Variants in CPVL observed in about 807,000 individuals in gnomAD.
CPVL encodes carboxypeptidase vitellogenic like, also known as probable serine carboxypeptidase CPVL.
Under a neutral mutation model 63.7 loss-of-function variants are expected in CPVL, and 51 were observed. The observed-to-expected ratio is 0.80, with a 90% CI of 0.64 to 1.01. CPVL has a LOEUF of 1.01. Among genes scored for constraint, CPVL ranks in the 50% least tolerant of loss-of-function variants. The probability of loss-of-function intolerance (pLI) is 0.00; values close to 1 mark genes in which losing one functional copy is unlikely to be tolerated. For synonymous variants in CPVL, 195 were observed against 206.0 expected (o/e 0.95, Z 0.46); for missense variants, 530 against 573.1 (o/e 0.92, Z 0.77).
Position 29,066,054 on chromosome 7 carries a change from C to T in CPVL, c.932G>A (p.Cys311Tyr). Residue 311 changes from cysteine to tyrosine, a missense_variant, in exon 10 of 13, where the codon TGT (cysteine) becomes TAT (tyrosine). By Grantham distance (194) the Cys-to-Tyr change is radical. Transcript: ENST00000265394. ...CCGCAAAAAGTTATAGTAATTACTA[C>T]ATCCTGTAACATTCTGGAAGTAAGA... Reference protein sequence around the residue: ...DPSYFQNVTGCSNYYNFLRCT... With the variant: ...DPSYFQNVTGYSNYYNFLRCT... 6.2e-7 allele frequency: 1 copy of T among 1,607,352 alleles called. No individual in the cohort carries two copies.
chr7:29,195,002 C>T, intron 1 of CPVL: 1 of 1,584,396 alleles, frequency 6.3e-7, no homozygotes. Flanking sequence ...TGAGTTTCAG[C>T]CCGTCGGGCG....
intron 11 of CPVL, among the ~76,000 whole-genome samples, chr7:29,031,213 C>T (rs1414287961): frequency 6.6e-6 from 1 of 152,200 alleles, no homozygotes; most frequent in Non-Finnish European, 1.5e-5. Flanking sequence ...TCCTCTCCTA[C>T]ATTGATTTCA....
intron 2 of CPVL, among the ~76,000 whole-genome samples, chr7:29,115,478 C>G (rs975205546): frequency 1.3e-5 from 2 of 152,176 alleles, no homozygotes; most frequent in Non-Finnish European, 2.9e-5. Context: ...TCCCACTCTT[C>G]CCGCCATCTG....
chr7:29,018,164 G>A (rs1045606609), intron 12 of CPVL, among the ~76,000 whole-genome samples: 1 of 151,738 alleles, frequency 6.6e-6, no homozygotes, highest in East Asian at 1.9e-4. Context: ...AGTAAGATTC[G>A]GTAAAAATGA....
intron 5 of CPVL, among the ~76,000 whole-genome samples, chr7:29,167,389 T>G (rs1375060118): frequency 6.6e-6 from 1 of 152,198 alleles, no homozygotes; most frequent in Non-Finnish European, 1.5e-5. Flanking sequence ...CAAAAAATTA[T>G]CCACTATCTG....
rs148121361 is a variant in CPVL at position 29,047,671 on chromosome 7, A to G, written c.1137+16390T>C. Among the ~76,000 whole-genome samples the G allele has an allele frequency of 3.2e-3, 480 of 152,314 alleles. 3 individuals carry two copies. Among genetic ancestry groups the G allele is most frequent in the African/African-American group, 0.011 (457 of 41,576 alleles). On this transcript the variant is annotated intron_variant, in intron 11 of 12. Transcript: ENST00000265394. The stretch of plus-strand genomic sequence containing the variant: ...CCTTGCTAGAGACCTAGACATCCAA[A>G]TACAAGAAGCACAAAGAACACCTGG...
intron 7 of CPVL, among the ~76,000 whole-genome samples, chr7:29,080,511 T>A (rs1305521069): frequency 7.1e-6 from 1 of 140,494 alleles, no homozygotes; most frequent in Non-Finnish European, 1.5e-5. Flanking sequence ...TGAGCTGAGA[T>A]GGCAATGCTG....
intron 5 of CPVL, among the ~76,000 whole-genome samples, chr7:29,180,826 A>G (rs1419378945): frequency 6.6e-6 from 1 of 152,196 alleles, no homozygotes; most frequent in South Asian, 2.1e-4. Context: ...CAAGACTCGT[A>G]TCATCCGTAT....
At chr7:29,046,956 C>CATGATATATTCCTTATACCA (rs1489088443) in intron 11 of CPVL, among the ~76,000 whole-genome samples, 2 of 152,144 alleles carry the variant, frequency 1.3e-5, no homozygotes, top group Non-Finnish European at 2.9e-5. Context: ...AAGGAATATA[C>CATGATATATTCCTTATACCA]ATGATATAAT....
At chr7:29,146,957 A>G (rs746395081), upstream of CPVL, 47 of 1,551,082 alleles carry the variant, frequency 3.0e-5, no homozygotes, top group Non-Finnish European at 4.0e-5. Flanking sequence ...CAGCTGCACT[A>G]GCAGTAAGCT....
At chr7:29,014,712 T>C (rs947044791) in intron 12 of CPVL, among the ~76,000 whole-genome samples, 1 of 152,162 alleles carries the variant, frequency 6.6e-6, no homozygotes, top group African/African-American at 2.4e-5. Flanking sequence ...TTAACAGTTA[T>C]TTTCCTCCAT....
upstream of CPVL, among the ~76,000 whole-genome samples, chr7:29,149,670 G>C (rs1170014187): frequency 2.0e-5 from 3 of 152,156 alleles, no homozygotes; most frequent in Non-Finnish European, 4.4e-5. Flanking sequence ...TAAAGTGCCA[G>C]CAGGGCCAGG....
At chr7:29,189,834 C>G (rs557239422) in intron 1 of CPVL, among the ~76,000 whole-genome samples, 7 of 152,302 alleles carry the variant, frequency 4.6e-5, no homozygotes, top group Admixed American at 1.3e-4. Context: ...CCCAAGCCCC[C>G]CTGCAGCTCA....
intron 9 of CPVL, among the ~76,000 whole-genome samples, chr7:29,068,714 A>C (rs1441865956): frequency 8.5e-6 from 1 of 118,182 alleles, no homozygotes; most frequent in African/African-American, 3.3e-5. Flanking sequence ...TTTTTTTTTG[A>C]GATGGAGTCT....
intron 5 of CPVL, among the ~76,000 whole-genome samples, chr7:29,158,801 T>G (rs1429190488): frequency 2.0e-5 from 3 of 152,202 alleles, no homozygotes; most frequent in Non-Finnish European, 4.4e-5. Flanking sequence ...TTTCACCCTA[T>G]TTTAAATATT....
intron 1 of CPVL, among the ~76,000 whole-genome samples, chr7:29,133,404 T>C (rs1790894424): frequency 6.6e-6 from 1 of 152,208 alleles, no homozygotes; most frequent in Admixed American, 6.5e-5. Context: ...TTTTCATAGA[T>C]CTTCTAAAAT....
intron 11 of CPVL, among the ~76,000 whole-genome samples, chr7:29,033,916 G>GA (rs1269698123): frequency 2.0e-5 from 3 of 152,006 alleles, no homozygotes; most frequent in Admixed American, 1.3e-4. Flanking sequence ...CTTATCTTAT[G>GA]AAAAAAATCA....
chr7:29,103,248 G>GTT (rs71555783), intron 3 of CPVL, among the ~76,000 whole-genome samples: 28,259 of 95,698 alleles, frequency 0.3, 4,605 homozygotes, highest in African/African-American at 0.48. Context: ...TTGTTGTTTT[G>GTT]TTTTTTTTTT....
intron 11 of CPVL, among the ~76,000 whole-genome samples, chr7:29,058,192 C>A (rs1790931203): frequency 6.6e-6 from 1 of 152,048 alleles, no homozygotes; most frequent in Non-Finnish European, 1.5e-5. Flanking sequence ...TTCTTGATGT[C>A]TTTTATCAGA....
Sources: allele counts gnomAD v4.1 joint callset (sites outside exome capture counted in the v4.1 genomes callset), GRCh38; gene constraint gnomAD v4.1.1; transcripts MANE v1.5; gene names NCBI Gene and HGNC (gene_info 2026-07-23, HGNC 2026-07-21).